MEGF6: variants seen among roughly 807,000 people sequenced by gnomAD.
MEGF6 encodes multiple EGF like domains 6, also known as multiple epidermal growth factor-like domains protein 6.
Under a neutral mutation model 207.1 loss-of-function variants are expected in MEGF6, and 184 were observed. The ratio of observed to expected loss-of-function variants is 0.89; its 90% CI spans 0.79 to 1.00. MEGF6 has a LOEUF of 1.00. Among genes scored for constraint, MEGF6 ranks in the 50% least tolerant of loss-of-function variants. MEGF6 has a pLI of 0.00. For missense variants in MEGF6, 2,282 were observed against 2,202.9 expected (o/e 1.04, Z -0.72); for synonymous variants, 1,038 against 910.0 (o/e 1.14, Z -2.53).
intron 4 of MEGF6, among the ~76,000 whole-genome samples, chr1:3,529,482 C>T (rs374916329): frequency 1.2e-3 from 187 of 152,348 alleles, no homozygotes; most frequent in African/African-American, 3.5e-3. Context: ...TGGTGAGAGA[C>T]GAGTGGGCTC....
the MEGF6 span, among the ~76,000 whole-genome samples, chr1:3,616,650 T>C: frequency 6.6e-6 from 1 of 152,160 alleles, no homozygotes; most frequent in Non-Finnish European, 1.5e-5. Flanking sequence ...ACCAAATACG[T>C]AACTGAGTCT....
chr1:3,564,308 C>G (rs1233715986), intron 4 of MEGF6, among the ~76,000 whole-genome samples: 1 of 151,522 alleles, frequency 6.6e-6, no homozygotes, highest in Non-Finnish European at 1.5e-5. Context: ...GCGAGGTGAA[C>G]AGATGTTAAC....
chr1:3,572,583 G>A (rs1643534734), intron 4 of MEGF6, among the ~76,000 whole-genome samples: 1 of 146,044 alleles, frequency 6.8e-6, no homozygotes, highest in Non-Finnish European at 1.5e-5. Flanking sequence ...CTTCCTGTGT[G>A]TGATGGGTTC....
intron 4 of MEGF6, among the ~76,000 whole-genome samples, chr1:3,550,208 T>C (rs1203886809): frequency 6.6e-6 from 1 of 152,084 alleles, no homozygotes; most frequent in Admixed American, 6.5e-5. Context: ...AAACAGGGAC[T>C]CAAACCACGG....
intron 25 of MEGF6, 43 bp downstream of exon 25, chr1:3,498,655 A>C: frequency 1.3e-6 from 2 of 1,520,574 alleles, no homozygotes; most frequent in East Asian, 2.4e-5. Context: ...GGGCTGCACC[A>C]AGCATGCTGG....
At chr1:3,494,250 T>C in intron 32 of MEGF6, 121 bp downstream of exon 32, 2 of 1,464,700 alleles carry the variant, frequency 1.4e-6, no homozygotes. Flanking sequence ...TCCTCGTCCC[T>C]CCCCACTGCT....
At chr1:3,541,418 C>G (rs968821158) in intron 4 of MEGF6, among the ~76,000 whole-genome samples, 1 of 152,234 alleles carries the variant, frequency 6.6e-6, no homozygotes, top group African/African-American at 2.4e-5. Flanking sequence ...GGTGGAGGCC[C>G]TGCCATGGGT....
chr1:3,509,027 C>A, intron 12 of MEGF6, 48 bp downstream of exon 12: 1 of 1,480,008 alleles, frequency 6.8e-7, no homozygotes, highest in Non-Finnish European at 9.0e-7. Context: ...GGGTCGCTGG[C>A]TGCTGGCCCT....
rs1640330262 is a variant in MEGF6 at position 3,490,923 on chromosome 1, G to T, written c.4553C>A (p.Ala1518Asp). The change falls in exon 36 of 37, where the codon GCC becomes GAC. Residue 1518 changes from alanine to aspartate, a missense_variant. By Grantham distance (126) the Ala-to-Asp change is moderately radical (BLOSUM62 -2). Transcript: ENST00000356575. ...PLRLPENPSLAQGSAGTLPAS... is the reference protein window; with the variant it reads ...PLRLPENPSLDQGSAGTLPAS... ...CCCACACCCCTTACCTGAGCCCTGG[G>T]CTAAGGACGGGTTCTCGGGGAGCCG... The T allele has an allele frequency of 6.3e-7, 1 of 1,598,834 alleles. No individual in the cohort carries two copies. Among genetic ancestry groups the T allele is most frequent in the Non-Finnish European group, 8.5e-7 (1 of 1,173,348 alleles).
rs1386936815 is a variant in MEGF6 at position 3,585,727 on chromosome 1, G to A, written c.377-5798C>T. 4.9e-5 allele frequency among the ~76,000 whole-genome samples: 7 copies of A among 141,578 alleles called. No homozygotes were observed. The South Asian group carries it at 1.1e-3, about 23-fold the overall frequency. 92.9% of individuals were successfully genotyped at this position (141,578 alleles called of 152,430 possible). On this transcript the variant is annotated intron_variant, in intron 3 of 36. Transcript: ENST00000356575. ...CCTGTGTGTGGGTGTGAGGACGCAT[G>A]TCCTGTGTGTGGGTGTGAGTGACAC...
chr1:3,560,807 G>A lies in MEGF6; in HGVS notation c.481+19018C>T, dbSNP rs1477491233. 1 of 467,878 alleles carries A rather than the reference G, an allele frequency of 2.1e-6. No homozygotes were observed. 29.0% of individuals were successfully genotyped at this position (467,878 alleles called of 1,614,324 possible). ...GCAGTCCCCTCTGGCAGCCACCGGA[G>A]CAGCCAGGAACAGCCTCAGGCGTCG... On this transcript the variant is annotated intron_variant, in intron 4 of 36. Transcript: ENST00000356575. This position sits in a 1 kb window ranked among gnomAD's most constrained non-coding sequence, Gnocchi z 4.0.
At chr1:3,491,300 C>T (rs894116257) in intron 35 of MEGF6, among the ~76,000 whole-genome samples, 1 of 152,294 alleles carries the variant, frequency 6.6e-6, no homozygotes, top group Middle Eastern at 3.4e-3. Flanking sequence ...GCCCCAGGCT[C>T]CTGAGGCCTC....
intron 4 of MEGF6, among the ~76,000 whole-genome samples, chr1:3,526,112 C>T (rs775259121): frequency 3.9e-5 from 6 of 152,208 alleles, no homozygotes; most frequent in African/African-American, 9.6e-5. Context: ...CCAGAGAACA[C>T]GCCATGACCC....
rs754549392 is a variant in MEGF6 at position 3,489,492 on chromosome 1, G to A, written c.*1036C>T. The stretch of plus-strand genomic sequence containing the variant: ...TCCACTCTGGGCCCTTCTTCCAGGA[G>A]AAGTCAGCCTCAGCCCATGAGTGCC... On this transcript the variant is annotated 3_prime_UTR_variant, in exon 37 of 37. Coordinates refer to ENST00000356575, the MANE Select transcript of MEGF6 (RefSeq NM_001409.4). 6.6e-6 allele frequency among the ~76,000 whole-genome samples: 1 copy of A among 152,172 alleles called. No individual in the cohort carries two copies. The highest frequency in any genetic ancestry group is 1.5e-5 in the Non-Finnish European group (1 of 68,024).
chr1:3,621,070 C>T, the MEGF6 span, among the ~76,000 whole-genome samples: 3 of 152,326 alleles, frequency 2.0e-5, no homozygotes, highest in South Asian at 2.1e-4. Context: ...AACATGAAAG[C>T]GGACCAGGAG....
intron 4 of MEGF6, among the ~76,000 whole-genome samples, chr1:3,539,123 G>C (rs1642422733): frequency 6.6e-6 from 1 of 152,174 alleles, no homozygotes; most frequent in Non-Finnish European, 1.5e-5. Flanking sequence ...GAAAGGCCTG[G>C]GCCGAATCCA....
the MEGF6 span, among the ~76,000 whole-genome samples, chr1:3,620,693 G>A: frequency 1.3e-5 from 2 of 152,258 alleles, no homozygotes; most frequent in Admixed American, 6.5e-5. Context: ...CTCCCCATGT[G>A]CAGAGATGAG....
chr1:3,489,536 G>C lies in MEGF6; in HGVS notation c.*992C>G, dbSNP rs963798233. The stretch of plus-strand genomic sequence containing the variant: ...GAGTGCCAGGTGCTCGGGAGGGCTG[G>C]TCTGTCCTCACCCAGGGAGTCCCTG... On this transcript the variant is annotated 3_prime_UTR_variant, in exon 37 of 37. Coordinates refer to ENST00000356575, the MANE Select transcript of MEGF6 (RefSeq NM_001409.4). Among the ~76,000 whole-genome samples, 1 of 152,174 alleles carries C rather than the reference G, an allele frequency of 6.6e-6. No individual in the cohort carries two copies. Among genetic ancestry groups the C allele is most frequent in the African/African-American group, 2.4e-5 (1 of 41,446 alleles).
intron 1 of MEGF6, among the ~76,000 whole-genome samples, chr1:3,608,005 CA>C (rs1644275800): frequency 6.6e-6 from 1 of 152,118 alleles, no homozygotes; most frequent in Admixed American, 6.5e-5. Flanking sequence ...AGCCCCTGAA[CA>C]AACCCCTGTG....
Sources: allele counts gnomAD v4.1 joint callset (sites outside exome capture counted in the v4.1 genomes callset), GRCh38; gene constraint gnomAD v4.1.1; non-coding constraint Gnocchi (gnomAD v3.1); transcripts MANE v1.5; gene names NCBI Gene and HGNC (gene_info 2026-07-23, HGNC 2026-07-21).